Variants in PLXNC1 observed in about 807,000 individuals in gnomAD.
PLXNC1 encodes the protein plexin C1, also known as plexin-C1.
Under a neutral mutation model 178.2 loss-of-function variants are expected in PLXNC1, and 75 were observed. The observed-to-expected ratio is 0.42, with a 90% CI of 0.35 to 0.51. The LOEUF (loss-of-function observed/expected upper bound fraction) is 0.51. Among genes scored for constraint, PLXNC1 ranks in the 20% least tolerant of loss-of-function variants. The probability of loss-of-function intolerance (pLI) is 0.02; values close to 1 mark genes in which losing one functional copy is unlikely to be tolerated. For missense variants in PLXNC1, 1,503 were observed against 1,984.4 expected, an observed-to-expected ratio of 0.76 and a Z score of 4.61; for synonymous variants, 790 against 779.9, an observed-to-expected ratio of 1.01 and a Z score of -0.22.
At chr12:94,279,994 C>T (rs1247765981) in intron 22 of PLXNC1, 10 of 398,062 alleles carry the variant, frequency 2.5e-5, no homozygotes, top group South Asian at 6.3e-5. Flanking sequence ...GTGCCCTCTG[C>T]GTGTGTTGCA....
intron 2 of PLXNC1, among the ~76,000 whole-genome samples, chr12:94,171,370 T>C (rs1961838133): frequency 6.6e-6 from 1 of 152,208 alleles, no homozygotes; most frequent in South Asian, 2.1e-4. Context: ...GTTTGTTTTG[T>C]GACTGCTAAC....
chr12:94,273,690 G>A (rs754147044), intron 21 of PLXNC1, among the ~76,000 whole-genome samples: 13 of 152,166 alleles, frequency 8.5e-5, no homozygotes, highest in Non-Finnish European at 1.8e-4. Flanking sequence ...GATGAGTACA[G>A]GTTCTGATTT....
chr12:94,301,138 A>C, intron 28 of PLXNC1, 81 bp downstream of exon 28: 1 of 1,306,102 alleles, frequency 7.7e-7, no homozygotes, highest in Admixed American at 1.8e-5. Flanking sequence ...TTCAAATAAT[A>C]AACAATTGGT....
intron 4 of PLXNC1, chr12:94,186,744 T>C: frequency 2.8e-6 from 1 of 354,316 alleles, no homozygotes; most frequent in South Asian, 3.5e-5. Flanking sequence ...AGCAGGCAGG[T>C]TTGGCTTTTA....
chr12:94,210,844 G>A (rs1289558656), intron 5 of PLXNC1, among the ~76,000 whole-genome samples: 2 of 152,092 alleles, frequency 1.3e-5, no homozygotes, highest in Non-Finnish European at 2.9e-5. Flanking sequence ...AAGATTCTTA[G>A]GCATCTAAAC....
intron 27 of PLXNC1, among the ~76,000 whole-genome samples, chr12:94,299,247 A>C (rs1321535438): frequency 1.3e-5 from 2 of 152,210 alleles, no homozygotes; most frequent in Non-Finnish European, 2.9e-5. Context: ...AGAATTAGCC[A>C]AAAGTTTGTG....
chr12:94,257,200 C>T (rs983315076), intron 17 of PLXNC1, among the ~76,000 whole-genome samples: 3 of 152,090 alleles, frequency 2.0e-5, no homozygotes, highest in Admixed American at 6.5e-5. Flanking sequence ...GATCAGAAGC[C>T]GAATCCTCTA....
intron 5 of PLXNC1, among the ~76,000 whole-genome samples, chr12:94,213,212 C>T (rs1963545869): frequency 6.6e-6 from 1 of 152,200 alleles, no homozygotes; most frequent in African/African-American, 2.4e-5. Flanking sequence ...GTTCTAGATC[C>T]TTGAGGGATT....
At chr12:94,234,942 T>C (rs1465467959) in intron 9 of PLXNC1, among the ~76,000 whole-genome samples, 2 of 152,246 alleles carry the variant, frequency 1.3e-5, no homozygotes, top group Admixed American at 6.5e-5. Flanking sequence ...TTTCTAAGAA[T>C]TGTTGCAACC....
At position 94,149,916 on chromosome 12, in the gene PLXNC1, A is replaced by C. The variant is rs750530343; in HGVS notation, c.945A>C (p.Gly315=). 1 of 1,589,726 alleles carries C rather than the reference A, an allele frequency of 6.3e-7. No individual in the cohort carries two copies. The change falls in exon 1 of 31, where the codon GGA becomes GGC. Residue 315 remains glycine (G), a synonymous_variant. Transcript: ENST00000258526. ...VWAGVFSAAA[G]EGQERRSPTT... ...CGGGAGTGTTCAGCGCGGCCGCTGG[A>C]GAGGGCCAGGAGCGGCGCTCCCCCA...
chr12:94,260,882 AG>A lies in PLXNC1; in HGVS notation c.3450+44del. On this transcript the variant is annotated intron_variant, in intron 20 of 30. Coordinates refer to ENST00000258526, the MANE Select transcript of PLXNC1 (RefSeq NM_005761.3). This position sits in a 1 kb window ranked among gnomAD's most constrained non-coding sequence, Gnocchi z 4.4. Reference sequence around the variant, plus strand: ...TCAGCAATGTCAGAGGTAAGACAATAGGCAGTTATTTTTAGCGGACTCTGAT... The same window carrying A: ...TCAGCAATGTCAGAGGTAAGACAATAGCAGTTATTTTTAGCGGACTCTGAT... 1 of 1,565,752 alleles carries A rather than the reference AG, an allele frequency of 6.4e-7. No individual in the cohort carries two copies.
intron 6 of PLXNC1, among the ~76,000 whole-genome samples, chr12:94,222,199 T>G (rs1258592007): frequency 6.6e-6 from 1 of 152,184 alleles, no homozygotes; most frequent in Non-Finnish European, 1.5e-5. Context: ...TCTAAAGTAT[T>G]TGAGATCACC....
intron 2 of PLXNC1, among the ~76,000 whole-genome samples, chr12:94,177,340 G>A (rs1459128329): frequency 1.3e-5 from 2 of 149,714 alleles, no homozygotes; most frequent in Non-Finnish European, 3.0e-5. Context: ...AGAGAGGTCT[G>A]GCTTCCACCA....
chr12:94,210,142 C>T (rs190246738), intron 5 of PLXNC1, among the ~76,000 whole-genome samples: 1 of 152,270 alleles, frequency 6.6e-6, no homozygotes, highest in Admixed American at 6.5e-5. Flanking sequence ...GTTGAGGCTT[C>T]CCCAGTAACC....
intron 1 of PLXNC1, among the ~76,000 whole-genome samples, chr12:94,157,687 T>C (rs1961226099): frequency 1.3e-5 from 2 of 152,244 alleles, no homozygotes; most frequent in South Asian, 4.1e-4. Context: ...ACTAGGGGGA[T>C]GTGGCCCTAT....
chr12:94,200,218 T>A (rs1963071399), intron 4 of PLXNC1, among the ~76,000 whole-genome samples: 2 of 152,238 alleles, frequency 1.3e-5, no homozygotes, highest in African/African-American at 2.4e-5. Flanking sequence ...AGAACATCCC[T>A]TTTAGTAAAT....
intron 17 of PLXNC1, among the ~76,000 whole-genome samples, chr12:94,256,844 CAAAAAAA>C (rs35718233): frequency 1.8e-5 from 2 of 110,992 alleles, no homozygotes; most frequent in South Asian, 3.2e-4. Context: ...TGAGTGTTTC[CAAAAAAA>C]AAAAAAAAAA....
rs77131677 is a variant in PLXNC1 at position 94,263,946 on chromosome 12, T to A, written c.3451-1133T>A. 1.2e-3 allele frequency among the ~76,000 whole-genome samples: 189 copies of A among 151,974 alleles called. 2 individuals are homozygous for A. In the East Asian group the frequency reaches 0.034, roughly 27 times the overall value. On this transcript the variant is annotated intron_variant, in intron 20 of 30. Transcript: ENST00000258526. ...CTTAAGATGTCTTAGGTAACTTGCC[T>A]GCGCAAGGGAAAGCAGGTGAGACCC...
intron 4 of PLXNC1, among the ~76,000 whole-genome samples, chr12:94,193,333 TAA>T (rs1334929928): frequency 2.0e-5 from 3 of 151,924 alleles, no homozygotes; most frequent in Non-Finnish European, 4.4e-5. Context: ...TGTAAACCAG[TAA>T]GAGACCAGGG....
Sources: allele counts gnomAD v4.1 joint callset (sites outside exome capture counted in the v4.1 genomes callset), GRCh38; gene constraint gnomAD v4.1.1; non-coding constraint Gnocchi (gnomAD v3.1); transcripts MANE v1.5; gene names NCBI Gene and HGNC (gene_info 2026-07-23, HGNC 2026-07-21).